IP6K1: variants seen among roughly 807,000 people sequenced by gnomAD.
The protein encoded by IP6K1 is inositol hexakisphosphate kinase 1.
A neutral mutation model predicts 38.3 loss-of-function variants in IP6K1; 13 were observed. The ratio of observed to expected loss-of-function variants is 0.34; its 90% CI spans 0.22 to 0.54. The LOEUF is 0.54. Among genes scored for constraint, IP6K1 ranks in the 20% least tolerant of loss-of-function variants. The pLI is 0.92. For missense variants in IP6K1, 397 were observed against 599.8 expected, an observed-to-expected ratio of 0.66 and a Z score of 3.53; for synonymous variants, 212 against 229.9, an observed-to-expected ratio of 0.92 and a Z score of 0.70.
At chr3:49,764,650 A>G (rs2080894169) in intron 1 of IP6K1, among the ~76,000 whole-genome samples, 1 of 151,996 alleles carries the variant, frequency 6.6e-6, no homozygotes, top group Non-Finnish European at 1.5e-5. Flanking sequence ...AGGCCAAGGC[A>G]AGCAGATCAC....
chr3:49,782,090 C>CA (rs1012753885), intron 1 of IP6K1, among the ~76,000 whole-genome samples: 2 of 148,262 alleles, frequency 1.3e-5, no homozygotes, highest in African/African-American at 2.5e-5. Context: ...AGACCTGTCT[C>CA]AAAAAAAAAT....
At chr3:49,765,459 G>A (rs573341473) in intron 1 of IP6K1, among the ~76,000 whole-genome samples, 10 of 139,018 alleles carry the variant, frequency 7.2e-5, no homozygotes, top group Non-Finnish European at 1.5e-4. Flanking sequence ...GGCCAACATG[G>A]TCAAACTCTG....
intron 1 of IP6K1, chr3:49,758,547 T>G (rs888637559): frequency 1.3e-5 from 2 of 152,254 alleles, no homozygotes; most frequent in African/African-American, 2.4e-5. Flanking sequence ...CTCTGTAAAT[T>G]TGCTGTGGCT....
At chr3:49,747,500 G>A (rs528296949) in intron 2 of IP6K1, among the ~76,000 whole-genome samples, 4 of 152,266 alleles carry the variant, frequency 2.6e-5, no homozygotes, top group African/African-American at 7.2e-5. Context: ...CCTCCGGGAC[G>A]AGAGAAATGT....
chr3:49,753,211 T>C (rs769166529), intron 1 of IP6K1, among the ~76,000 whole-genome samples: 2 of 152,238 alleles, frequency 1.3e-5, no homozygotes, highest in African/African-American at 4.8e-5. Context: ...GCCTTCATGA[T>C]GTTCCTCAAA....
At chr3:49,743,656 G>A (rs1186995887) in intron 2 of IP6K1, among the ~76,000 whole-genome samples, 1 of 100,276 alleles carries the variant, frequency 1.0e-5, no homozygotes, top group Non-Finnish European at 1.9e-5. Flanking sequence ...TTTCACTCTT[G>A]TTGCCCAGGC....
At chr3:49,749,430 T>C (rs750140446) in intron 1 of IP6K1, among the ~76,000 whole-genome samples, 151 of 152,238 alleles carry the variant, frequency 9.9e-4, no homozygotes, top group Non-Finnish European at 1.7e-3. Context: ...ACACTGAGTG[T>C]ATTTTTAAAT....
chr3:49,770,491 T>C (rs1056804486), intron 1 of IP6K1, among the ~76,000 whole-genome samples: 12 of 151,764 alleles, frequency 7.9e-5, no homozygotes, highest in African/African-American at 2.4e-4. Context: ...ATACCAGCAC[T>C]TTGGGAGGCC....
At chr3:49,753,552 G>C (rs983210375) in intron 1 of IP6K1, among the ~76,000 whole-genome samples, 2 of 152,000 alleles carry the variant, frequency 1.3e-5, no homozygotes, top group African/African-American at 4.8e-5. Context: ...AGTATCCTAA[G>C]TGCCCTGAGT....
chr3:49,742,476 G>C (rs909358640), intron 2 of IP6K1, among the ~76,000 whole-genome samples: 2 of 152,134 alleles, frequency 1.3e-5, no homozygotes, highest in Non-Finnish European at 2.9e-5. Flanking sequence ...GTGAGCCCGG[G>C]AGGCAGAGCT....
intron 2 of IP6K1, among the ~76,000 whole-genome samples, chr3:49,744,594 C>T (rs912793190): frequency 1.3e-5 from 2 of 152,050 alleles, no homozygotes; most frequent in African/African-American, 4.8e-5. Flanking sequence ...TCTTTACTAT[C>T]TGTCACCATA....
chr3:49,783,713 A>C (rs1575333329), intron 1 of IP6K1, among the ~76,000 whole-genome samples: 1 of 40,800 alleles, frequency 2.5e-5, no homozygotes. Flanking sequence ...ATTCCGTCTC[A>C]AAAAAAAAAA....
intron 1 of IP6K1, among the ~76,000 whole-genome samples, chr3:49,762,750 C>T (rs186881899): frequency 6.7e-6 from 1 of 150,212 alleles, no homozygotes; most frequent in Non-Finnish European, 1.5e-5. Context: ...GAGAGTAGTT[C>T]CCAACTTGTT....
At chr3:49,732,220 A>G (rs2108223811) in intron 4 of IP6K1, among the ~76,000 whole-genome samples, 1 of 152,238 alleles carries the variant, frequency 6.6e-6, no homozygotes, top group South Asian at 2.1e-4. Flanking sequence ...GTGACCCACC[A>G]CGCCCAGCTA....
chr3:49,732,969 T>A lies in IP6K1; in HGVS notation c.438A>T (p.Ser146=). The A allele has an allele frequency of 6.2e-7, 1 of 1,611,046 alleles. No individual in the cohort carries two copies. Among genetic ancestry groups the A allele is most frequent in the Non-Finnish European group, 8.5e-7 (1 of 1,177,694 alleles). ...CCACCTTCGGACTCTTTGCCTCCTG[T>A]GAGCTAAGAAGGAAGAACATACACA... ...ASLSLETSES[S]QEAKSPKVEL... The change falls in exon 4 of 6, where the codon TCA becomes TCT. Residue 146 remains serine (S), a synonymous_variant. Transcript: ENST00000321599.
intron 1 of IP6K1, among the ~76,000 whole-genome samples, chr3:49,765,563 T>C (rs1048825645): frequency 1.4e-5 from 2 of 140,482 alleles, no homozygotes; most frequent in Non-Finnish European, 3.0e-5. Context: ...AGCAGAAGAA[T>C]CACTTGAACA....
At position 49,781,872 on chromosome 3, in the gene IP6K1, C is replaced by T. The variant is rs187283158; in HGVS notation, c.-129+4482G>A. Reference sequence around the variant, plus strand: ...CCGAGGTGGGAGGATCACTCAAACCCAGGAGTTAGAGACCAGCCTGGGCAA... The same window carrying T: ...CCGAGGTGGGAGGATCACTCAAACCTAGGAGTTAGAGACCAGCCTGGGCAA... On this transcript the variant is annotated intron_variant, in intron 1 of 5. Coordinates refer to ENST00000321599, the MANE Select transcript of IP6K1 (RefSeq NM_153273.4). Among the ~76,000 whole-genome samples the T allele has an allele frequency of 7.0e-4, 107 of 151,932 alleles. 3 individuals carry two copies. The East Asian group carries it at 0.018, about 26-fold the overall frequency.
At chr3:49,740,063 G>A (rs1182376068) in intron 2 of IP6K1, among the ~76,000 whole-genome samples, 1 of 151,994 alleles carries the variant, frequency 6.6e-6, no homozygotes, top group Non-Finnish European at 1.5e-5. Flanking sequence ...GGCTCACACT[G>A]TAATTCCAGC....
intron 2 of IP6K1, 147 bp downstream of exon 2, chr3:49,747,671 C>T: frequency 1.0e-6 from 1 of 994,944 alleles, no homozygotes; most frequent in Non-Finnish European, 1.5e-6. Context: ...ATGCTTTCAG[C>T]CTCTAATTTT....
Sources: gnomAD v4.1 joint callset for allele counts (sites outside exome capture counted in the v4.1 genomes callset) on GRCh38, gnomAD v4.1.1 for gene constraint, MANE v1.5 for transcripts, NCBI Gene and HGNC (gene_info 2026-07-23, HGNC 2026-07-21) for gene names.